Variants in RANBP2 observed in about 807,000 individuals in gnomAD.
RANBP2 encodes RAN binding protein 2.
RANBP2 carries 57 observed loss-of-function variants against 303.6 expected under a neutral mutation model. The observed-to-expected ratio is 0.19, with a 90% CI of 0.15 to 0.23. The LOEUF is 0.23. Among genes scored for constraint, RANBP2 ranks in the 10% least tolerant of loss-of-function variants. The probability of loss-of-function intolerance (pLI) is 1.00; values close to 1 mark genes in which losing one functional copy is unlikely to be tolerated. For missense variants in RANBP2, 3,138 were observed against 3,780.8 expected, an observed-to-expected ratio of 0.83 and a Z score of 4.46; for synonymous variants, 1,167 against 1,301.5, an observed-to-expected ratio of 0.90 and a Z score of 2.23.
the RANBP2 span, among the ~76,000 whole-genome samples, chr2:109,514,381 G>T: frequency 6.6e-6 from 1 of 152,172 alleles, no homozygotes; most frequent in East Asian, 1.9e-4. Flanking sequence ...AGTGCCCACA[G>T]CTGCAGCCCA....
At chr2:109,670,595 C>G in the RANBP2 span, among the ~76,000 whole-genome samples, 4 of 152,140 alleles carry the variant, frequency 2.6e-5, no homozygotes, top group African/African-American at 9.7e-5. Context: ...GGCTGTTCTC[C>G]TCTCCCCAGA....
At chr2:109,325,093 C>T in the RANBP2 span, among the ~76,000 whole-genome samples, 1 of 152,112 alleles carries the variant, frequency 6.6e-6, no homozygotes, top group African/African-American at 2.4e-5. Flanking sequence ...GATGCCATGG[C>T]TCTGACAAGG....
chr2:109,392,982 C>T, the RANBP2 span, among the ~76,000 whole-genome samples: 1 of 152,218 alleles, frequency 6.6e-6, no homozygotes, highest in Admixed American at 6.5e-5. Flanking sequence ...TCCACCGCCC[C>T]TGCTTAGTCT....
the RANBP2 span, among the ~76,000 whole-genome samples, chr2:109,313,076 A>G: frequency 6.6e-6 from 1 of 152,180 alleles, no homozygotes; most frequent in East Asian, 1.9e-4. Flanking sequence ...TGCAATCCAC[A>G]TACTTCAGAG....
the RANBP2 span, among the ~76,000 whole-genome samples, chr2:108,997,254 A>T: frequency 6.6e-6 from 1 of 151,946 alleles, no homozygotes; most frequent in Non-Finnish European, 1.5e-5. Context: ...AACCTGGCTA[A>T]CACGGTGAAA....
chr2:109,665,751 T>C, the RANBP2 span: 3 of 153,578 alleles, frequency 2.0e-5, no homozygotes, highest in African/African-American at 7.2e-5. Context: ...TGCCAACAGA[T>C]TGTATTAAAG....
chr2:109,064,224 C>T, the RANBP2 span, among the ~76,000 whole-genome samples: 1 of 152,040 alleles, frequency 6.6e-6, no homozygotes, highest in Non-Finnish European at 1.5e-5. Flanking sequence ...AATCCCAGCA[C>T]TTTGGGATGC....
chr2:109,544,259 T>A, the RANBP2 span: 125 of 1,612,928 alleles, frequency 7.7e-5, no homozygotes, highest in Admixed American at 2.3e-4. Flanking sequence ...AGTTTTTTTT[T>A]AATAAAGTTT....
the RANBP2 span, among the ~76,000 whole-genome samples, chr2:109,659,766 C>G: frequency 1.3e-5 from 2 of 152,226 alleles, no homozygotes; most frequent in African/African-American, 4.8e-5. Context: ...AGAGTGCTGT[C>G]TCTAGGCCCC....
chr2:109,284,441 G>A, the RANBP2 span, among the ~76,000 whole-genome samples: 13 of 152,168 alleles, frequency 8.5e-5, no homozygotes, highest in African/African-American at 2.2e-4. Flanking sequence ...GGTCTAGGGC[G>A]TGTGGACTGG....
the RANBP2 span, among the ~76,000 whole-genome samples, chr2:109,538,944 GATA>G: frequency 5.3e-5 from 8 of 152,198 alleles, no homozygotes; most frequent in African/African-American, 1.7e-4. Context: ...CATTTGCAGT[GATA>G]ATACTTTTTT....
At chr2:108,840,275 A>G in the RANBP2 span, among the ~76,000 whole-genome samples, 1 of 152,238 alleles carries the variant, frequency 6.6e-6, no homozygotes, top group South Asian at 2.1e-4. Flanking sequence ...TTTTGTTTCT[A>G]TATTCATGAG....
At chr2:108,889,799 T>C in the RANBP2 span, among the ~76,000 whole-genome samples, 27 of 152,210 alleles carry the variant, frequency 1.8e-4, no homozygotes, top group Non-Finnish European at 4.0e-4. Context: ...GTTATTGATA[T>C]GTGAGGTTTT....
the RANBP2 span, among the ~76,000 whole-genome samples, chr2:109,483,582 C>G: frequency 6.6e-6 from 1 of 152,238 alleles, no homozygotes; most frequent in Non-Finnish European, 1.5e-5. Flanking sequence ...GACTTCCTAT[C>G]TGCTGTGTCG....
the RANBP2 span, among the ~76,000 whole-genome samples, chr2:109,703,080 G>A: frequency 6.6e-6 from 1 of 152,024 alleles, no homozygotes; most frequent in Non-Finnish European, 1.5e-5. Context: ...CAGGGTTTCC[G>A]AATTAACAAA....
At chr2:109,615,695 G>A in the RANBP2 span, 13 of 1,613,988 alleles carry the variant, frequency 8.1e-6, no homozygotes, top group Non-Finnish European at 1.1e-5. Flanking sequence ...AGGGTGACGG[G>A]GAAAGCGCCG....
At chr2:109,021,938 C>T in the RANBP2 span, among the ~76,000 whole-genome samples, 2 of 152,148 alleles carry the variant, frequency 1.3e-5, no homozygotes, top group African/African-American at 4.8e-5. Flanking sequence ...GAGAGCAACC[C>T]GGGAGCCAAG....
At chr2:108,997,174 G>A in the RANBP2 span, among the ~76,000 whole-genome samples, 2 of 152,182 alleles carry the variant, frequency 1.3e-5, no homozygotes, top group Non-Finnish European at 2.9e-5. Context: ...GGGCGCAGTG[G>A]CTCACGCCTG....
At chr2:109,354,114 G>A in the RANBP2 span, among the ~76,000 whole-genome samples, 1,590 of 152,344 alleles carry the variant, frequency 0.01, 17 homozygotes, top group Middle Eastern at 0.027. Context: ...ACAGTTTTGG[G>A]TTATTTCTGC....
Sources: allele counts gnomAD v4.1 joint callset (sites outside exome capture counted in the v4.1 genomes callset), GRCh38; gene constraint gnomAD v4.1.1; transcripts MANE v1.5; gene names NCBI Gene and HGNC (gene_info 2026-07-23, HGNC 2026-07-21).